Variants in PCDHGA1 observed in about 807,000 individuals in gnomAD.
PCDHGA1 encodes the protein protocadherin gamma-A1.
A neutral mutation model predicts 58.0 loss-of-function variants in PCDHGA1; 32 were observed. The observed-to-expected ratio is 0.55, with a 90% CI of 0.42 to 0.74. The LOEUF (loss-of-function observed/expected upper bound fraction) is 0.74. Among genes scored for constraint, PCDHGA1 ranks in the 30% least tolerant of loss-of-function variants. The probability of loss-of-function intolerance (pLI) is 0.00; values close to 1 mark genes in which losing one functional copy is unlikely to be tolerated. For missense variants in PCDHGA1, 1,205 were observed against 1,182.3 expected, an observed-to-expected ratio of 1.02 and a Z score of -0.28; for synonymous variants, 498 against 501.1, an observed-to-expected ratio of 0.99 and a Z score of 0.08.
Position 141,490,446 on chromosome 5 carries a change from C to T in PCDHGA1, c.2422-4361C>T, listed in dbSNP as rs779502898. 2.5e-6 allele frequency: 4 copies of T among 1,614,196 alleles called. No homozygotes were observed. The highest frequency in any genetic ancestry group is 3.4e-6 in the Non-Finnish European group (4 of 1,180,016). ...CATTTCAGATTAAGCCTTCTGAGAA[C>T]CACTACTCGCTGCTAACCAGCCAGC... On this transcript the variant is annotated intron_variant, in intron 1 of 3. Coordinates refer to ENST00000517417, the MANE Select transcript of PCDHGA1 (RefSeq NM_018912.3). The surrounding 1 kb of genome is among the most constrained non-coding windows in gnomAD (Gnocchi z 5.4).
intron 1 of PCDHGA1, chr5:141,354,921 A>G: frequency 2.4e-6 from 1 of 414,074 alleles, no homozygotes; most frequent in Non-Finnish European, 4.2e-6. Flanking sequence ...TGTATAAAAA[A>G]TAAACTTTTT....
chr5:141,467,376 A>G (rs1391386659), intron 1 of PCDHGA1, among the ~76,000 whole-genome samples: 2 of 151,990 alleles, frequency 1.3e-5, no homozygotes. Flanking sequence ...CTTATATTGC[A>G]TTTAGGTTTT....
chr5:141,403,945 A>G (rs745421734), intron 1 of PCDHGA1: 48 of 1,613,810 alleles, frequency 3.0e-5, no homozygotes, highest in Non-Finnish European at 3.9e-5. Context: ...AAGGGTGGAC[A>G]AAAGTGCTCA....
In PCDHGA1 at chr5:141,432,172, C is replaced by G. The variant is rs562175068; in HGVS notation, c.2422-62635C>G. On this transcript the variant is annotated intron_variant, in intron 1 of 3. Transcript: ENST00000517417. This position sits in a 1 kb window ranked among gnomAD's most constrained non-coding sequence, Gnocchi z 6.0. ...AGAACAATCCCAGAGGAGTTTCCCTCGTCTCTGTGACCGCCCACGACCCCG... is the reference window on the plus strand; with the variant it reads ...AGAACAATCCCAGAGGAGTTTCCCTGGTCTCTGTGACCGCCCACGACCCCG... 9 of 1,614,034 alleles carry G rather than the reference C, an allele frequency of 5.6e-6. No homozygotes were observed. The highest frequency in any genetic ancestry group is 7.6e-6 in the Non-Finnish European group (9 of 1,180,046).
chr5:141,400,129 C>T (rs530393607), intron 1 of PCDHGA1: 1 of 1,614,104 alleles, frequency 6.2e-7, no homozygotes, highest in Admixed American at 1.7e-5. Flanking sequence ...GCAGGAGGTG[C>T]TGCCGGATAT....
At chr5:141,371,674 A>G (rs1767933506) in intron 1 of PCDHGA1, 2 of 1,613,896 alleles carry the variant, frequency 1.2e-6, no homozygotes, top group African/African-American at 2.7e-5. Context: ...GCTACCGACA[A>G]AGGCAATCCA....
intron 1 of PCDHGA1, chr5:141,359,900 G>T: frequency 2.5e-6 from 1 of 399,574 alleles, no homozygotes; most frequent in Non-Finnish European, 4.4e-6. Context: ...ATATTGACAA[G>T]CCATTAGTGC....
intron 1 of PCDHGA1, chr5:141,366,262 G>A: frequency 6.2e-7 from 1 of 1,613,718 alleles, no homozygotes; most frequent in Non-Finnish European, 8.5e-7. Flanking sequence ...GCCTCGTGGT[G>A]GCCGTCGAAG....
chr5:141,478,726 G>A, intron 1 of PCDHGA1: 2 of 1,540,996 alleles, frequency 1.3e-6, no homozygotes, highest in Non-Finnish European at 1.8e-6. Context: ...GCCTGCCAGA[G>A]TGTGGTTTGT....
At chr5:141,448,710 G>T (rs897054829) in intron 1 of PCDHGA1, among the ~76,000 whole-genome samples, 1 of 152,162 alleles carries the variant, frequency 6.6e-6, no homozygotes, top group Non-Finnish European at 1.5e-5. Flanking sequence ...GGAGGCCGAG[G>T]CGGGAGGATC....
At chr5:141,402,796 A>C in intron 1 of PCDHGA1, 1 of 1,040,680 alleles carries the variant, frequency 9.6e-7, no homozygotes, top group South Asian at 2.0e-5. Flanking sequence ...GGCTACACAA[A>C]ACCCGGCAGA....
In PCDHGA1 at chr5:141,485,629, C is replaced by G. The variant is rs1028146827; in HGVS notation, c.2422-9178C>G. The G allele has an allele frequency of 1.2e-6, 2 of 1,611,902 alleles. No individual in the cohort carries two copies. The highest frequency in any genetic ancestry group is 3.3e-5 in the Admixed American group (2 of 59,922). On this transcript the variant is annotated intron_variant, in intron 1 of 3. Coordinates refer to ENST00000517417, the MANE Select transcript of PCDHGA1 (RefSeq NM_018912.3). This position sits in a 1 kb window ranked among gnomAD's most constrained non-coding sequence, Gnocchi z 5.7. ...AGGCAGCTCCTCCAGGACAGCGTTTCCCGTTGGAAAAGGCTCAGGATGCAG... is the reference window on the plus strand; with the variant it reads ...AGGCAGCTCCTCCAGGACAGCGTTTGCCGTTGGAAAAGGCTCAGGATGCAG...
intron 1 of PCDHGA1, chr5:141,344,064 A>G (rs370996766): frequency 1.3e-6 from 2 of 1,573,822 alleles, no homozygotes; most frequent in Non-Finnish European, 1.7e-6. Flanking sequence ...CCGAAATGGC[A>G]GAGGACTGGC....
chr5:141,403,073 A>G (rs920382925), intron 1 of PCDHGA1: 4 of 1,614,056 alleles, frequency 2.5e-6, no homozygotes, highest in Non-Finnish European at 3.4e-6. Context: ...AGAGACAGAA[A>G]AGGGCTATAT....
chr5:141,474,608 T>G (rs1469173973), intron 1 of PCDHGA1, among the ~76,000 whole-genome samples: 1 of 152,268 alleles, frequency 6.6e-6, no homozygotes, highest in Non-Finnish European at 1.5e-5. Flanking sequence ...AGGTCACATA[T>G]GGCTTTTCAT....
At chr5:141,345,139 T>C (rs1757525041) in intron 1 of PCDHGA1, 1 of 1,613,902 alleles carries the variant, frequency 6.2e-7, no homozygotes, top group African/African-American at 1.3e-5. Flanking sequence ...ATTGCTCTTA[T>C]CGACGTGCAT....
At chr5:141,383,770 A>T (rs776707003) in intron 1 of PCDHGA1, 11 of 1,613,890 alleles carry the variant, frequency 6.8e-6, no homozygotes, top group Non-Finnish European at 8.5e-6. Flanking sequence ...ACTTCCAAAG[A>T]TGTTTCATCT....
intron 1 of PCDHGA1, chr5:141,423,295 C>A: frequency 6.2e-7 from 1 of 1,614,146 alleles, no homozygotes; most frequent in Non-Finnish European, 8.5e-7. Context: ...AACCTCAGAC[C>A]TCTCGCTGTA....
chr5:141,360,636 A>T (rs550512719), intron 1 of PCDHGA1: 2 of 1,614,030 alleles, frequency 1.2e-6, no homozygotes, highest in East Asian at 4.5e-5. Flanking sequence ...CTAACTCACT[A>T]CAAAGATACC....
Sources: gnomAD v4.1 joint callset for allele counts (sites outside exome capture counted in the v4.1 genomes callset) on GRCh38, gnomAD v4.1.1 for gene constraint, Gnocchi (gnomAD v3.1) non-coding constraint, MANE v1.5 for transcripts, NCBI Gene and HGNC (gene_info 2026-07-23, HGNC 2026-07-21) for gene names.